Variants in STK4 observed in about 807,000 individuals in gnomAD.
STK4 encodes serine/threonine kinase 4, also known as serine/threonine-protein kinase 4.
In STK4, 30 loss-of-function variants were observed where a neutral mutation model predicts 64.9. The observed-to-expected ratio is 0.46, with a 90% CI of 0.35 to 0.63. The LOEUF is 0.63. Among genes scored for constraint, STK4 ranks in the 20% least tolerant of loss-of-function variants. The pLI, the probability that STK4 is intolerant of heterozygous loss-of-function variation, is 0.01. For missense variants in STK4, 466 were observed against 598.5 expected (o/e 0.78, Z 2.31); for synonymous variants, 177 against 199.0 (o/e 0.89, Z 0.93).
chr20:44,988,878 T>A (rs184090968), intron 5 of STK4, among the ~76,000 whole-genome samples: 3 of 152,244 alleles, frequency 2.0e-5, no homozygotes, highest in African/African-American at 7.2e-5. Flanking sequence ...ATAAATAGAA[T>A]CATACATAAT....
At position 45,015,916 on chromosome 20, in the gene STK4, A is replaced by G. The variant is rs6130726; in HGVS notation, c.1148-9057A>G. 2.3e-3 allele frequency among the ~76,000 whole-genome samples: 354 copies of G among 152,322 alleles called. 5 individuals are homozygous for G. In the East Asian group the frequency reaches 0.047, roughly 20 times the overall value. ...TGAGAGTGTTTTTTTCATTGGACGT[A>G]AACATTTCTTCAACAGTGCTACTTT... On this transcript the variant is annotated intron_variant, in intron 9 of 10. Transcript: ENST00000372806.
chr20:44,985,003 A>G (rs187986726), intron 4 of STK4, among the ~76,000 whole-genome samples: 2 of 152,260 alleles, frequency 1.3e-5, no homozygotes, highest in African/African-American at 4.8e-5. Context: ...GGTTCCCATT[A>G]TATTTCTATT....
intron 9 of STK4, among the ~76,000 whole-genome samples, chr20:45,006,353 G>GT (rs1267335511): frequency 6.6e-6 from 1 of 151,468 alleles, no homozygotes; most frequent in East Asian, 1.9e-4. Flanking sequence ...TCCTACCTCA[G>GT]TCTCCCAAGC....
chr20:44,997,201 C>A lies in STK4; in HGVS notation c.726C>A (p.Pro242=), dbSNP rs755070231. The A allele has an allele frequency of 1.9e-6, 3 of 1,614,016 alleles. No individual in the cohort carries two copies. Among genetic ancestry groups the A allele is most frequent in the South Asian group, 1.1e-5 (1 of 91,072 alleles). Residue 242 remains proline, a synonymous_variant, in exon 7 of 11, where the codon CCC becomes CCA. Transcript: ENST00000372806. ...TCATGATTCCTACAAATCCTCCTCCCACATTCCGAAAACCAGAGCTATGGT... is the reference window on the plus strand; with the variant it reads ...TCATGATTCCTACAAATCCTCCTCCAACATTCCGAAAACCAGAGCTATGGT... The part of the protein sequence containing the change: ...AIFMIPTNPP[P]TFRKPELWSD...
chr20:44,984,657 G>C (rs147816428), intron 4 of STK4, among the ~76,000 whole-genome samples: 186 of 152,150 alleles, frequency 1.2e-3, no homozygotes, highest in Non-Finnish European at 1.8e-3. Context: ...ATACACCAGA[G>C]TTTGAAGAAT....
intron 10 of STK4, among the ~76,000 whole-genome samples, chr20:45,026,318 A>T (rs1411560267): frequency 2.7e-5 from 4 of 145,788 alleles, no homozygotes; most frequent in Non-Finnish European, 3.0e-5. Context: ...AGACAGAAAG[A>T]GTGTGTGTGT....
chr20:44,989,640 C>G (rs977237383), intron 5 of STK4, among the ~76,000 whole-genome samples: 2 of 152,054 alleles, frequency 1.3e-5, no homozygotes, highest in Non-Finnish European at 2.9e-5. Context: ...CTTCTGGTGT[C>G]ACATCTAAGA....
intron 10 of STK4, among the ~76,000 whole-genome samples, chr20:45,056,261 A>G (rs1465823083): frequency 6.6e-6 from 1 of 152,238 alleles, no homozygotes; most frequent in Non-Finnish European, 1.5e-5. Context: ...GAACATTTCT[A>G]ATATCCCATC....
In STK4 at chr20:45,004,589, G is replaced by A. The variant is rs141820255; in HGVS notation, c.1147+3236G>A. On this transcript the variant is annotated intron_variant, in intron 9 of 10. Transcript: ENST00000372806. The stretch of plus-strand genomic sequence containing the variant: ...TCTGGATATTAGACCTTTGTCAGAC[G>A]GGTAGATTGCAAAAGTTTTCTCCCA... 1.1e-3 allele frequency: 162 copies of A among 151,514 alleles called. 2 individuals carry two copies. Among genetic ancestry groups the A allele is most frequent in the African/African-American group, 3.6e-3 (149 of 41,342 alleles). The allele number at this position is 151,514 out of a possible 1,614,324, so 9.4% of individuals were successfully genotyped here.
At chr20:45,005,647 C>CA (rs1214893882) in intron 9 of STK4, among the ~76,000 whole-genome samples, 6,212 of 64,714 alleles carry the variant, frequency 0.096, 701 homozygotes, top group African/African-American at 0.3. Flanking sequence ...GACTCTGTCT[C>CA]AAAAAAAAAA....
rs150113734 is a variant in STK4 at position 45,005,109 on chromosome 20, C to T, written c.1147+3756C>T. Among the ~76,000 whole-genome samples the T allele has an allele frequency of 4.6e-3, 704 of 152,104 alleles. 7 individuals are homozygous for T. Among genetic ancestry groups the T allele is most frequent in the African/African-American group, 0.016 (674 of 41,490 alleles). On this transcript the variant is annotated intron_variant, in intron 9 of 10. Coordinates refer to ENST00000372806, the MANE Select transcript of STK4 (RefSeq NM_006282.5). ...TCTGTTGGATTGATTGAGTCCTCAC[C>T]GCCATCACTTCCTTTCCCTTACCTT...
intron 1 of STK4, among the ~76,000 whole-genome samples, chr20:44,970,220 A>G (rs1372290052): frequency 6.6e-6 from 1 of 150,780 alleles, no homozygotes. Context: ...CCTAAAACTT[A>G]AAGTATAATA....
At chr20:45,044,534 G>A (rs996143038) in intron 10 of STK4, among the ~76,000 whole-genome samples, 1 of 152,062 alleles carries the variant, frequency 6.6e-6, no homozygotes, top group Non-Finnish European at 1.5e-5. Context: ...TGTGCCTGTG[G>A]TCCCAGCTAC....
chr20:45,072,550 T>TTTTG (rs941709587), intron 10 of STK4, among the ~76,000 whole-genome samples: 6 of 152,184 alleles, frequency 3.9e-5, no homozygotes, highest in African/African-American at 1.2e-4. Context: ...GGGCACTGCT[T>TTTTG]TTTGTTTGTT....
At chr20:45,066,044 A>C (rs962209329) in intron 10 of STK4, among the ~76,000 whole-genome samples, 5 of 152,120 alleles carry the variant, frequency 3.3e-5, no homozygotes, top group South Asian at 2.1e-4. Context: ...GAAGCTGTAA[A>C]ATGCTTCCTT....
chr20:45,072,715 G>A (rs1283150507), intron 10 of STK4, among the ~76,000 whole-genome samples: 1 of 152,248 alleles, frequency 6.6e-6, no homozygotes, highest in Non-Finnish European at 1.5e-5. Flanking sequence ...GCATTAGCAT[G>A]AAATAGAGTA....
chr20:44,983,049 T>C (rs929136588), intron 4 of STK4, among the ~76,000 whole-genome samples: 1 of 151,884 alleles, frequency 6.6e-6, no homozygotes, highest in African/African-American at 2.4e-5. Flanking sequence ...TGAAGGAACA[T>C]TGTAGGTGGG....
intron 10 of STK4, among the ~76,000 whole-genome samples, chr20:45,073,564 A>C (rs1176288808): frequency 6.6e-6 from 1 of 152,160 alleles, no homozygotes; most frequent in African/African-American, 2.4e-5. Flanking sequence ...TGATTTTCTA[A>C]ATGTGGGCAC....
intron 9 of STK4, among the ~76,000 whole-genome samples, chr20:45,020,814 G>T (rs1326520031): frequency 1.5e-5 from 2 of 137,336 alleles, no homozygotes; most frequent in Non-Finnish European, 1.6e-5. Context: ...AAATATACAA[G>T]ACTTTTTTTT....
Sources: allele counts gnomAD v4.1 joint callset (sites outside exome capture counted in the v4.1 genomes callset), GRCh38; gene constraint gnomAD v4.1.1; transcripts MANE v1.5; gene names NCBI Gene and HGNC (gene_info 2026-07-23, HGNC 2026-07-21).